The following CNBD2 variants were observed in gnomAD, a reference collection of about 807,000 sequenced individuals.
CNBD2 encodes cyclic nucleotide-binding domain-containing protein 2.
CNBD2 carries 64 observed loss-of-function variants against 63.7 expected under a neutral mutation model. The ratio of observed to expected loss-of-function variants is 1.00; its 90% confidence interval spans 0.82 to 1.24. The LOEUF is 1.24. Ranked by LOEUF, CNBD2 falls within the 50% of genes most tolerant of loss-of-function variation. The pLI, the probability that CNBD2 is intolerant of heterozygous loss-of-function variation, is 0.00. For missense variants in CNBD2, 691 were observed against 713.5 expected, an observed-to-expected ratio of 0.97 and a Z score of 0.36; for synonymous variants, 229 against 255.4, an observed-to-expected ratio of 0.90 and a Z score of 0.99.
At chr20:36,011,409 G>T in intron 10 of CNBD2, 152 bp downstream of exon 10, 1 of 1,020,222 alleles carries the variant, frequency 9.8e-7, no homozygotes, top group East Asian at 3.3e-5. Context: ...AGAATAGGCC[G>T]GGCGCGGTGG....
At chr20:35,968,578 A>T (rs940990473), upstream of CNBD2, 10 of 524,246 alleles carry the variant, frequency 1.9e-5, no homozygotes, top group South Asian at 4.1e-5. Flanking sequence ...GATTCTGAGA[A>T]TGATTTTTCT....
At position 35,968,670 on chromosome 20, in the gene CNBD2, G is replaced by A. The variant is rs543330312; in HGVS notation, c.-93G>A. Reference sequence around the variant, plus strand: ...GCCTTGTTACTGAGGAAATCTATTTGTTTCTAGTATTACTGGATTTTTGGG... The same window carrying A: ...GCCTTGTTACTGAGGAAATCTATTTATTTCTAGTATTACTGGATTTTTGGG... On this transcript the variant is annotated 5_prime_UTR_variant, in exon 1 of 12. Coordinates refer to ENST00000373973, the MANE Select transcript of CNBD2 (RefSeq NM_001365709.1). 9 of 890,188 alleles carry A rather than the reference G, an allele frequency of 1.0e-5. No individual in the cohort carries two copies. The East Asian group carries it at 2.4e-4, about 24-fold the overall frequency. 55.1% of individuals were successfully genotyped at this position (890,188 alleles called of 1,614,324 possible).
chr20:36,014,182 C>CAAAAAAAA (rs1398212585), intron 10 of CNBD2, among the ~76,000 whole-genome samples: 1 of 94,874 alleles, frequency 1.1e-5, no homozygotes, highest in Non-Finnish European at 2.0e-5. Context: ...GACTCCATCT[C>CAAAAAAAA]AAAAAAAAAA....
At position 35,995,120 on chromosome 20, in the gene CNBD2, T is replaced by A; in HGVS notation, c.938T>A (p.Ile313Lys). The A allele has an allele frequency of 6.2e-7, 1 of 1,613,986 alleles. No homozygotes were observed. The highest frequency in any genetic ancestry group is 1.1e-5 in the South Asian group (1 of 91,084). Residue 313 changes from isoleucine to lysine, a missense_variant, in exon 8 of 12, where the codon ATA becomes AAA. By Grantham distance (102) the Ile-to-Lys change is moderately radical. Coordinates refer to ENST00000373973, the MANE Select transcript of CNBD2 (RefSeq NM_001365709.1). ...TGGATCTGGCAGCACCTGGAGCTGA[T>A]AGATGGCAGACCTCTGAAGACCCAC... Reference protein sequence around the residue: ...RRWIWQHLELIDGRPLKTHLS... With the variant: ...RRWIWQHLELKDGRPLKTHLS...
chr20:36,012,834 A>G (rs549534841), intron 10 of CNBD2, among the ~76,000 whole-genome samples: 2 of 152,008 alleles, frequency 1.3e-5, no homozygotes, highest in Admixed American at 1.3e-4. Context: ...AAAAAAAAAA[A>G]AAAAAAGAAT....
intron 7 of CNBD2, among the ~76,000 whole-genome samples, chr20:35,994,154 C>T (rs541099646): frequency 6.6e-6 from 1 of 152,116 alleles, no homozygotes; most frequent in Non-Finnish European, 1.5e-5. Flanking sequence ...CAACCTCTGC[C>T]TCCTGGGTTC....
intron 4 of CNBD2, among the ~76,000 whole-genome samples, chr20:35,980,946 G>A (rs1435816732): frequency 6.6e-6 from 1 of 152,136 alleles, no homozygotes; most frequent in East Asian, 1.9e-4. Flanking sequence ...AGGTCACCCA[G>A]ACAAAAAGAA....
rs780412105 is a variant in CNBD2 at position 36,030,639 on chromosome 20, C to T, written c.1722C>T (p.Leu574=). ...IKAPRYKIRE[L]LA Reference sequence around the variant, plus strand: ...CACCTCGGTACAAAATCCGAGAACTCTTGGCTTAGTGTAAGAGCACAGGGG... The same window carrying T: ...CACCTCGGTACAAAATCCGAGAACTTTTGGCTTAGTGTAAGAGCACAGGGG... The change falls in exon 12 of 12, where the codon CTC becomes CTT. Residue 574 remains leucine, a synonymous_variant. Transcript: ENST00000373973. 48 of 1,614,028 alleles carry T rather than the reference C, an allele frequency of 3.0e-5. No individual in the cohort carries two copies. The highest frequency in any genetic ancestry group is 3.8e-5 in the Non-Finnish European group (45 of 1,180,026).
At chr20:35,984,890 G>A in intron 6 of CNBD2, 112 bp downstream of exon 6, 4 of 1,158,976 alleles carry the variant, frequency 3.5e-6, no homozygotes, top group Non-Finnish European at 5.1e-6. Flanking sequence ...TCTCTGTCTG[G>A]GATGCTCTGA....
In CNBD2 at chr20:35,960,937, C is replaced by G. The variant is rs1361561241; in HGVS notation, c.228+3163C>G. On this transcript the variant is annotated intron_variant, in intron 2 of 4. Coordinates refer to the CNBD2 transcript ENST00000622112. ...TTCATCTTGCTCTGTCGCCACCCCCCTCCTCCCGCTTTTTCTTTCCTCTCG... is the reference window on the plus strand; with the variant it reads ...TTCATCTTGCTCTGTCGCCACCCCCGTCCTCCCGCTTTTTCTTTCCTCTCG... Among the ~76,000 whole-genome samples, 6 of 151,326 alleles carry G rather than the reference C, an allele frequency of 4.0e-5. No homozygotes were observed. The Admixed American group carries it at 4.0e-4, about 10-fold the overall frequency.
At position 36,012,332 on chromosome 20, in the gene CNBD2, G is replaced by A. The variant is rs1234634224; in HGVS notation, c.1269+1075G>A. Among the ~76,000 whole-genome samples the A allele has an allele frequency of 2.7e-5, 4 of 150,912 alleles. No individual in the cohort carries two copies. In the East Asian group the frequency reaches 7.8e-4, roughly 29 times the overall value. ...AAAAAACCAAAACCCAAACCAAAAAGCCAGGTATGGTGGCAGGCACCTGAA... is the reference window on the plus strand; with the variant it reads ...AAAAAACCAAAACCCAAACCAAAAAACCAGGTATGGTGGCAGGCACCTGAA... On this transcript the variant is annotated intron_variant, in intron 10 of 11. Transcript: ENST00000373973.
chr20:36,028,199 G>C (rs1198418986), intron 11 of CNBD2, among the ~76,000 whole-genome samples: 1 of 152,096 alleles, frequency 6.6e-6, no homozygotes, highest in African/African-American at 2.4e-5. Flanking sequence ...ACATGATGGG[G>C]ATCAGTTAAT....
intron 10 of CNBD2, among the ~76,000 whole-genome samples, chr20:36,017,638 A>G (rs2057153079): frequency 6.6e-6 from 1 of 152,184 alleles, no homozygotes; most frequent in Non-Finnish European, 1.5e-5. Context: ...CTTCCTTAGC[A>G]TGTGATGCCC....
At chr20:36,003,833 G>C (rs1237980908) in intron 8 of CNBD2, among the ~76,000 whole-genome samples, 1 of 150,404 alleles carries the variant, frequency 6.6e-6, no homozygotes, top group Non-Finnish European at 1.5e-5. Context: ...TTGAGTCCAG[G>C]AATTCAAGAC....
chr20:35,977,378 C>A (rs1276270968), intron 3 of CNBD2, among the ~76,000 whole-genome samples: 1 of 152,182 alleles, frequency 6.6e-6, no homozygotes, highest in East Asian at 1.9e-4. Flanking sequence ...ATTTTAAAAA[C>A]CAGCCCTTTG....
At chr20:36,005,960 A>G (rs2056978255) in intron 8 of CNBD2, among the ~76,000 whole-genome samples, 1 of 152,116 alleles carries the variant, frequency 6.6e-6, no homozygotes, top group Non-Finnish European at 1.5e-5. Context: ...CAAAAACAAA[A>G]AAACAAAAAC....
intron 2 of CNBD2, among the ~76,000 whole-genome samples, chr20:35,961,385 T>A (rs1389424873): frequency 1.3e-5 from 2 of 152,252 alleles, no homozygotes; most frequent in African/African-American, 4.8e-5. Context: ...TTTCCTGAGC[T>A]CTGCCAGTGT....
rs145326831 is a variant in CNBD2 at position 36,022,338 on chromosome 20, A to G, written c.1270-1264A>G. On this transcript the variant is annotated intron_variant, in intron 10 of 11. Coordinates refer to ENST00000373973, the MANE Select transcript of CNBD2 (RefSeq NM_001365709.1). ...CTTAGCCTCCCAAGTAGCCGGAACTACAGGCACGTGCCACCATGCCTGGCT... is the reference window on the plus strand; with the variant it reads ...CTTAGCCTCCCAAGTAGCCGGAACTGCAGGCACGTGCCACCATGCCTGGCT... Among the ~76,000 whole-genome samples, 917 of 150,792 alleles carry G rather than the reference A, an allele frequency of 6.1e-3. 6 individuals are homozygous for G. The highest frequency in any genetic ancestry group is 0.021 in the African/African-American group (868 of 41,050).
At chr20:36,015,266 C>T (rs960464965) in intron 10 of CNBD2, among the ~76,000 whole-genome samples, 1 of 152,138 alleles carries the variant, frequency 6.6e-6, no homozygotes, top group Admixed American at 6.5e-5. Flanking sequence ...TAGTTATTAT[C>T]CCCTTATCAG....
Sources: gnomAD v4.1 joint callset for allele counts (sites outside exome capture counted in the v4.1 genomes callset) on GRCh38, gnomAD v4.1.1 for gene constraint, MANE v1.5 for transcripts, NCBI Gene and HGNC (gene_info 2026-07-23, HGNC 2026-07-21) for gene names.